The following SLC25A16 variants were observed in gnomAD, a reference collection of about 807,000 sequenced individuals.
The protein encoded by SLC25A16 is mitochondrial coenzyme A transporter SLC25A16.
SLC25A16 carries 39 observed loss-of-function variants against 41.5 expected under a neutral mutation model. That is an observed-to-expected ratio of 0.94 (90% confidence interval 0.73 to 1.23). The LOEUF (loss-of-function observed/expected upper bound fraction) is 1.23, where lower values mean the gene tolerates loss of function less well. Ranked by LOEUF, SLC25A16 falls within the 50% of genes most tolerant of loss-of-function variation. The probability of loss-of-function intolerance (pLI) is 0.00; values close to 1 mark genes in which losing one functional copy is unlikely to be tolerated. For synonymous variants in SLC25A16, 146 were observed against 147.8 expected (o/e 0.99, Z 0.09); for missense variants, 421 against 426.9 (o/e 0.99, Z 0.12).
At chr10:68,488,996 G>A (rs540645386) in intron 6 of SLC25A16, among the ~76,000 whole-genome samples, 70 of 152,324 alleles carry the variant, frequency 4.6e-4, no homozygotes, top group African/African-American at 1.6e-3. Context: ...ATGGCCGGGC[G>A]TGGTGGCTCA....
At position 68,480,673 on chromosome 10, in the gene SLC25A16, T is replaced by C. The variant is rs1041217704; in HGVS notation, c.*2759A>G. The stretch of plus-strand genomic sequence containing the variant: ...CACCACGCCCAGCTAATTTTTTGTA[T>C]TTTTAGTAGAGATAGGTTTTCACCG... On this transcript the variant is annotated 3_prime_UTR_variant, in exon 9 of 9. Coordinates refer to ENST00000609923, the MANE Select transcript of SLC25A16 (RefSeq NM_152707.4). The C allele has an allele frequency of 2.6e-5, 4 of 151,878 alleles. No individual in the cohort carries two copies. The highest frequency in any genetic ancestry group is 9.7e-5 in the African/African-American group (4 of 41,364). 9.4% of individuals were successfully genotyped at this position (151,878 alleles called of 1,614,324 possible).
At chr10:68,521,010 TGCAGTCCCA>T (rs1281649598) in intron 1 of SLC25A16, among the ~76,000 whole-genome samples, 1 of 151,570 alleles carries the variant, frequency 6.6e-6, no homozygotes, top group African/African-American at 2.4e-5. Context: ...GGCACGTGCC[TGCAGTCCCA>T]GCTACTCGGG....
At chr10:68,523,166 T>C (rs1045410453) in intron 1 of SLC25A16, among the ~76,000 whole-genome samples, 3 of 151,812 alleles carry the variant, frequency 2.0e-5, no homozygotes, top group Non-Finnish European at 4.4e-5. Flanking sequence ...CTGGGCTTAC[T>C]GCGACCTCCG....
chr10:68,487,144 A>G lies in SLC25A16; in HGVS notation c.842T>C (p.Leu281Pro), dbSNP rs774538433. 6.2e-7 allele frequency: 1 copy of G among 1,610,768 alleles called. No individual in the cohort carries two copies. The highest frequency in any genetic ancestry group is 8.5e-7 in the Non-Finnish European group (1 of 1,177,166). Residue 281 changes from leucine to proline, a missense_variant and splice_region_variant, in exon 8 of 9, where the codon CTT (leucine) becomes CCT (proline). Physicochemically the swap from Leu to Pro is moderately conservative, Grantham distance 98 (BLOSUM62 -3). Transcript: ENST00000609923. ...GAACAATGACATATGATGAACTTAC[A>G]GGCACTTTTCAAATTCCGGCAGAAC... ...GTVLPEFEKC[L>P]TMRDTMKYVY...
intron 8 of SLC25A16, among the ~76,000 whole-genome samples, chr10:68,486,430 T>G (rs530794690): frequency 1.3e-5 from 2 of 151,712 alleles, no homozygotes; most frequent in South Asian, 4.2e-4. Flanking sequence ...TTTAGTTTGT[T>G]TTTGTTTTTT....
chr10:68,500,074 G>GTTTAT, intron 4 of SLC25A16: 1 of 273,524 alleles, frequency 3.7e-6, no homozygotes, highest in Non-Finnish European at 7.1e-6. Flanking sequence ...CTGAGATTTA[G>GTTTAT]TATGTATTGG....
intron 1 of SLC25A16, among the ~76,000 whole-genome samples, chr10:68,525,351 G>A (rs576096386): frequency 4.3e-4 from 65 of 152,184 alleles, no homozygotes; most frequent in African/African-American, 1.5e-3. Flanking sequence ...GGCCAGGCTG[G>A]TCTCAAACTC....
intron 1 of SLC25A16, 112 bp from the exon 2 acceptor site, chr10:68,516,955 T>A: frequency 9.6e-7 from 1 of 1,038,664 alleles, no homozygotes; most frequent in Non-Finnish European, 1.4e-6. Context: ...TCTCCATGAG[T>A]AAATCTGCCC....
intron 8 of SLC25A16, among the ~76,000 whole-genome samples, chr10:68,485,378 C>A (rs1311599220): frequency 6.6e-6 from 1 of 151,970 alleles, no homozygotes; most frequent in African/African-American, 2.4e-5. Context: ...GTGTGAGCCA[C>A]CGCGTCCCAG....
chr10:68,525,862 G>A (rs371822382), intron 1 of SLC25A16, among the ~76,000 whole-genome samples: 13 of 152,204 alleles, frequency 8.5e-5, no homozygotes, highest in African/African-American at 2.6e-4. Context: ...GATTAAGGGC[G>A]GTGCAAGATG....
At chr10:68,509,548 C>T (rs757111296) in intron 2 of SLC25A16, among the ~76,000 whole-genome samples, 4 of 151,692 alleles carry the variant, frequency 2.6e-5, no homozygotes, top group Non-Finnish European at 5.9e-5. Context: ...GACACCATCT[C>T]TACAAAAAAA....
At chr10:68,503,735 A>G (rs2052898889) in intron 3 of SLC25A16, 40 bp from the exon 4 acceptor site, 1 of 1,226,300 alleles carries the variant, frequency 8.2e-7, no homozygotes. Context: ...GATATTTTTT[A>G]AATGCTGCCC....
intron 2 of SLC25A16, among the ~76,000 whole-genome samples, chr10:68,508,104 G>A (rs10998233): frequency 0.094 from 14,236 of 151,922 alleles, 1,086 homozygotes; most frequent in South Asian, 0.25. Flanking sequence ...GGTGTCGTGC[G>A]CCTGTAATCC....
chr10:68,512,831 A>C (rs2133575947), intron 2 of SLC25A16, among the ~76,000 whole-genome samples: 1 of 152,148 alleles, frequency 6.6e-6, no homozygotes, highest in South Asian at 2.1e-4. Context: ...TGAGGTCAGG[A>C]GTTCGAGACC....
chr10:68,513,886 A>G (rs1028397560), intron 2 of SLC25A16, among the ~76,000 whole-genome samples: 1 of 139,808 alleles, frequency 7.2e-6, no homozygotes, highest in Admixed American at 7.3e-5. Context: ...TCTCAGAAAG[A>G]AAAAAAAAGC....
rs75719647 is a variant in SLC25A16 at position 68,479,571 on chromosome 10, CG to C, written c.*3860del. 2 of 150,968 alleles carry C rather than the reference CG, an allele frequency of 1.3e-5. No individual in the cohort carries two copies. The highest frequency in any genetic ancestry group is 2.9e-5 in the Non-Finnish European group (2 of 68,056). 9.4% of individuals were successfully genotyped at this position (150,968 alleles called of 1,614,324 possible). On this transcript the variant is annotated 3_prime_UTR_variant, in exon 9 of 9. Transcript: ENST00000609923. Reference sequence around the variant, plus strand: ...CAGTAGTCCCAGCATTTTGGGAAGTCGGGGGGGCAGATCACTTGAGGTCAGG... The same window carrying C: ...CAGTAGTCCCAGCATTTTGGGAAGTCGGGGGGCAGATCACTTGAGGTCAGG...
At chr10:68,486,487 C>G (rs1042011361) in intron 8 of SLC25A16, among the ~76,000 whole-genome samples, 1 of 151,556 alleles carries the variant, frequency 6.6e-6, no homozygotes, top group African/African-American at 2.4e-5. Flanking sequence ...CTCACTGCAA[C>G]CTCCACCTCC....
intron 1 of SLC25A16, chr10:68,517,283 G>C (rs2053176088): frequency 1.0e-6 from 1 of 984,664 alleles, no homozygotes; most frequent in Non-Finnish European, 1.2e-6. Flanking sequence ...ATTTTTCATT[G>C]AAACAACCAA....
intron 2 of SLC25A16, among the ~76,000 whole-genome samples, chr10:68,509,466 G>A (rs777866457): frequency 6.6e-6 from 1 of 152,078 alleles, no homozygotes; most frequent in Non-Finnish European, 1.5e-5. Flanking sequence ...AATAATCTGA[G>A]CACTTTGTGG....
Sources: allele counts gnomAD v4.1 joint callset (sites outside exome capture counted in the v4.1 genomes callset), GRCh38; gene constraint gnomAD v4.1.1; transcripts MANE v1.5; gene names NCBI Gene and HGNC (gene_info 2026-07-23, HGNC 2026-07-21).